The following NTM variants were observed in gnomAD, a reference collection of about 807,000 sequenced individuals.
NTM encodes the protein IgLON family member 2.
Under a neutral mutation model 42.1 loss-of-function variants are expected in NTM, and 13 were observed. The ratio of observed to expected loss-of-function variants is 0.31; its 90% CI spans 0.20 to 0.49. NTM has a LOEUF of 0.49. Ranked by LOEUF, NTM falls within the 20% of genes least tolerant of loss-of-function variation. The pLI is 0.99. For synonymous variants in NTM, 187 were observed against 179.2 expected, an observed-to-expected ratio of 1.04 and a Z score of -0.35; for missense variants, 373 against 452.8, an observed-to-expected ratio of 0.82 and a Z score of 1.60.
At chr11:132,232,707 C>G (rs184382998) in intron 4 of NTM, among the ~76,000 whole-genome samples, 3 of 152,140 alleles carry the variant, frequency 2.0e-5, no homozygotes, top group Admixed American at 6.5e-5. Context: ...GAACACATTA[C>G]GCACATTATC....
intron 1 of NTM, among the ~76,000 whole-genome samples, chr11:131,630,958 C>G (rs958596589): frequency 6.6e-6 from 1 of 152,106 alleles, no homozygotes; most frequent in African/African-American, 2.4e-5. Flanking sequence ...AAAAACAAAG[C>G]TTTTCTCAAT....
At chr11:131,828,386 C>A (rs12282193) in intron 1 of NTM, among the ~76,000 whole-genome samples, 37,972 of 151,980 alleles carry the variant, frequency 0.25, 5,082 homozygotes, top group African/African-American at 0.28. Context: ...AACATCACCA[C>A]CATCACTCAT....
At chr11:131,807,291 CA>C (rs1234660638) in intron 1 of NTM, among the ~76,000 whole-genome samples, 4 of 152,198 alleles carry the variant, frequency 2.6e-5, no homozygotes, top group Non-Finnish European at 5.9e-5. Context: ...TATTTGAAGT[CA>C]GGCACTATAT....
intron 1 of NTM, among the ~76,000 whole-genome samples, chr11:131,803,973 C>T (rs2136249875): frequency 6.6e-6 from 1 of 152,294 alleles, no homozygotes; most frequent in South Asian, 2.1e-4. Context: ...ACTATTTATC[C>T]AAAAATCTCA....
At chr11:131,514,177 G>A (rs545716215) in intron 1 of NTM, among the ~76,000 whole-genome samples, 2 of 152,192 alleles carry the variant, frequency 1.3e-5, no homozygotes, top group Non-Finnish European at 2.9e-5. Flanking sequence ...ACAGATTTCA[G>A]AGTCAGAGAA....
chr11:131,411,391 GTAA>G (rs1204413137), intron 1 of NTM, among the ~76,000 whole-genome samples: 2 of 152,080 alleles, frequency 1.3e-5, no homozygotes, highest in Non-Finnish European at 2.9e-5. Flanking sequence ...TGCTAAGGAT[GTAA>G]CAATATAAGA....
At position 131,715,377 on chromosome 11, in the gene NTM, G is replaced by A. The variant is rs75149406; in HGVS notation, c.83-196187G>A. 7.9e-3 allele frequency among the ~76,000 whole-genome samples: 1,204 copies of A among 152,266 alleles called. 28 individuals are homozygous for A. The highest frequency in any genetic ancestry group is 6.0e-3 in the Non-Finnish European group (405 of 68,026). On this transcript the variant is annotated intron_variant, in intron 1 of 8. Transcript: ENST00000683400. ...TGAAACCTGGATCAGAGGTGAGAAC[G>A]GGACAAATAAGAGGAAGAATTTTGT...
intron 1 of NTM, among the ~76,000 whole-genome samples, chr11:131,781,798 C>T (rs566371279): frequency 6.6e-6 from 1 of 152,220 alleles, no homozygotes; most frequent in Non-Finnish European, 1.5e-5. Flanking sequence ...CCACTCTGCA[C>T]TCTGCCTAGA....
chr11:132,104,200 C>G (rs2061978180), intron 2 of NTM, among the ~76,000 whole-genome samples: 2 of 152,106 alleles, frequency 1.3e-5, no homozygotes, highest in African/African-American at 4.8e-5. Context: ...GCTGGGGCAT[C>G]TTTATGTCAA....
intron 1 of NTM, among the ~76,000 whole-genome samples, chr11:131,436,515 G>A (rs1177305540): frequency 2.6e-5 from 4 of 152,016 alleles, no homozygotes; most frequent in Non-Finnish European, 4.4e-5. Flanking sequence ...GTATTGGGAG[G>A]GTGTATGTGT....
At chr11:131,956,848 T>C (rs1344228235) in intron 2 of NTM, among the ~76,000 whole-genome samples, 2 of 152,062 alleles carry the variant, frequency 1.3e-5, no homozygotes, top group African/African-American at 4.8e-5. Context: ...AGTCATGTAG[T>C]AAAAAGTGTG....
chr11:132,200,117 C>T (rs2080923834), intron 3 of NTM, among the ~76,000 whole-genome samples: 1 of 152,062 alleles, frequency 6.6e-6, no homozygotes, highest in African/African-American at 2.4e-5. Flanking sequence ...AGGAGCTTCG[C>T]CTTGATCTAT....
chr11:131,729,673 G>GAAATTAATC (rs1227161773), intron 1 of NTM, among the ~76,000 whole-genome samples: 1 of 152,146 alleles, frequency 6.6e-6, no homozygotes, highest in Non-Finnish European at 1.5e-5. Flanking sequence ...TCACAAATAT[G>GAAATTAATC]AAATTAATCA....
At chr11:131,882,215 A>G (rs1396743720) in intron 1 of NTM, among the ~76,000 whole-genome samples, 3 of 152,176 alleles carry the variant, frequency 2.0e-5, no homozygotes, top group African/African-American at 4.8e-5. Context: ...TATCTATGTG[A>G]AAGAGCGAGA....
chr11:132,200,755 T>C (rs1341342486), intron 3 of NTM, among the ~76,000 whole-genome samples: 3 of 152,154 alleles, frequency 2.0e-5, no homozygotes, highest in Non-Finnish European at 2.9e-5. Flanking sequence ...AGGGGCTTAG[T>C]CTCTATCTGG....
intron 1 of NTM, among the ~76,000 whole-genome samples, chr11:131,657,280 T>C (rs1275501768): frequency 6.6e-6 from 1 of 152,142 alleles, no homozygotes; most frequent in Non-Finnish European, 1.5e-5. Flanking sequence ...GGAAAGCATC[T>C]GAGGCCAGCC....
intron 1 of NTM, among the ~76,000 whole-genome samples, chr11:131,544,396 C>A (rs772056638): frequency 6.6e-6 from 1 of 152,186 alleles, no homozygotes; most frequent in African/African-American, 2.4e-5. Flanking sequence ...CCTCTTCTTT[C>A]TCCAGCTCAT....
At chr11:132,084,873 C>T (rs1026929161) in intron 2 of NTM, among the ~76,000 whole-genome samples, 1 of 152,114 alleles carries the variant, frequency 6.6e-6, no homozygotes, top group Admixed American at 6.5e-5. Context: ...GATGTCAACC[C>T]CAATTTATTA....
chr11:131,467,143 A>C (rs1242695646), intron 1 of NTM, among the ~76,000 whole-genome samples: 2 of 152,360 alleles, frequency 1.3e-5, no homozygotes, highest in South Asian at 4.1e-4. Context: ...AAAGCTAAGG[A>C]AGGGAGAGAG....
Sources: allele counts gnomAD v4.1 joint callset (sites outside exome capture counted in the v4.1 genomes callset), GRCh38; gene constraint gnomAD v4.1.1; transcripts MANE v1.5; gene names NCBI Gene and HGNC (gene_info 2026-07-23, HGNC 2026-07-21).